Variants in MGAT5 observed in about 807,000 individuals in gnomAD.
MGAT5 encodes the protein alpha-1,6-mannosylglycoprotein 6-beta-N-acetylglucosaminyltransferase.
In MGAT5, 30 loss-of-function variants were observed where a neutral mutation model predicts 94.3. The ratio of observed to expected loss-of-function variants is 0.32; its 90% CI spans 0.24 to 0.43. MGAT5 has a LOEUF of 0.43. Among genes scored for constraint, MGAT5 ranks in the 20% least tolerant of loss-of-function variants. The probability of loss-of-function intolerance (pLI) is 1.00; values close to 1 mark genes in which losing one functional copy is unlikely to be tolerated. For synonymous variants in MGAT5, 310 were observed against 322.9 expected (o/e 0.96, Z 0.43); for missense variants, 691 against 905.5 (o/e 0.76, Z 3.04).
At chr2:134,403,980 T>C (rs1683203333) in intron 11 of MGAT5, among the ~76,000 whole-genome samples, 1 of 152,224 alleles carries the variant, frequency 6.6e-6, no homozygotes, top group Non-Finnish European at 1.5e-5. Flanking sequence ...AATGGTGCCA[T>C]GGAAGTACCA....
Position 134,152,858 on chromosome 2 carries a change from G to A in MGAT5, c.-143+32567G>A, listed in dbSNP as rs112632902. 6.0e-3 allele frequency among the ~76,000 whole-genome samples: 910 copies of A among 152,048 alleles called. 6 individuals are homozygous for A. Among genetic ancestry groups the A allele is most frequent in the African/African-American group, 0.02 (831 of 41,456 alleles). On this transcript the variant is annotated intron_variant, in intron 1 of 16. Coordinates refer to the MGAT5 transcript ENST00000409645. ...GGAAGTCCAAAGGAACTTGTCAAAA[G>A]GGGAGATCTCTAAGCATACCCTTTC... is the stretch of plus-strand genomic sequence containing the variant.
At chr2:134,340,962 T>C (rs1202610049) in intron 6 of MGAT5, among the ~76,000 whole-genome samples, 2 of 152,176 alleles carry the variant, frequency 1.3e-5, no homozygotes, top group Non-Finnish European at 2.9e-5. Context: ...TCAGATGATG[T>C]TAAGGAATTA....
At position 134,122,939 on chromosome 2, in the gene MGAT5, T is replaced by C. The variant is rs191810826; in HGVS notation, c.-143+2648T>C. On this transcript the variant is annotated intron_variant, in intron 1 of 16. Transcript: ENST00000409645. ...ATGGGCTTTTGGATCTCCTCAGCAG[T>C]GTGCATTTCAAGTGCTTTGTGTTTG... Among the ~76,000 whole-genome samples the C allele has an allele frequency of 1.1e-3, 170 of 152,356 alleles. 1 individual carries two copies. The highest frequency in any genetic ancestry group is 1.5e-3 in the Non-Finnish European group (103 of 68,030).
chr2:134,196,556 T>C (rs535875100), intron 1 of MGAT5, among the ~76,000 whole-genome samples: 1 of 152,372 alleles, frequency 6.6e-6, no homozygotes, highest in South Asian at 2.1e-4. Context: ...AGCAAATGGT[T>C]GCTGTTAAGT....
rs116256810 is a variant in MGAT5, at chr2:134,377,915, A to T, written c.1380+15507A>T. On this transcript the variant is annotated intron_variant, in intron 10 of 15. Transcript: ENST00000281923. Reference sequence around the variant, plus strand: ...AAGGAGGTACCTTGGGCTTAATTCCAGCAGTTCTCAACAGAGTCCACGTGG... The same window carrying T: ...AAGGAGGTACCTTGGGCTTAATTCCTGCAGTTCTCAACAGAGTCCACGTGG... Among the ~76,000 whole-genome samples the T allele has an allele frequency of 8.3e-3, 1,268 of 152,248 alleles. 17 individuals are homozygous for T. Among genetic ancestry groups the T allele is most frequent in the African/African-American group, 0.029 (1,200 of 41,546 alleles).
intron 10 of MGAT5, among the ~76,000 whole-genome samples, chr2:134,400,109 T>C (rs972402105): frequency 6.6e-6 from 1 of 152,168 alleles, no homozygotes; most frequent in Non-Finnish European, 1.5e-5. Flanking sequence ...GTGTGACTAA[T>C]TCGACATGTG....
intron 2 of MGAT5, among the ~76,000 whole-genome samples, chr2:134,274,605 C>T (rs554090985): frequency 6.6e-6 from 1 of 152,308 alleles, no homozygotes; most frequent in South Asian, 2.1e-4. Context: ...TTTATTTATA[C>T]TCTCAATAAA....
intron 1 of MGAT5, among the ~76,000 whole-genome samples, chr2:134,152,063 C>G (rs1687226516): frequency 6.8e-6 from 1 of 147,764 alleles, no homozygotes. Context: ...GGGACCCGCC[C>G]ACTGCCATGG....
intron 1 of MGAT5, among the ~76,000 whole-genome samples, chr2:134,182,373 G>A (rs1688774673): frequency 6.6e-6 from 1 of 152,138 alleles, no homozygotes; most frequent in Non-Finnish European, 1.5e-5. Context: ...TGTTATTTCT[G>A]TTGATCTGTG....
intron 1 of MGAT5, among the ~76,000 whole-genome samples, chr2:134,267,751 T>G (rs1683805744): frequency 6.6e-6 from 1 of 152,220 alleles, no homozygotes; most frequent in Non-Finnish European, 1.5e-5. Flanking sequence ...CAGCATTGGC[T>G]CATGTTCTGT....
intron 4 of MGAT5, among the ~76,000 whole-genome samples, chr2:134,329,053 G>A (rs899773591): frequency 3.3e-5 from 5 of 151,998 alleles, no homozygotes; most frequent in East Asian, 1.9e-4. Context: ...TGTGACAAAC[G>A]CTGTGTGGGA....
chr2:134,310,553 C>T (rs1194871179), intron 2 of MGAT5, among the ~76,000 whole-genome samples: 2 of 152,094 alleles, frequency 1.3e-5, no homozygotes, highest in African/African-American at 2.4e-5. Context: ...TTTCAAAGAT[C>T]CCAGTATACA....
chr2:134,132,448 C>T (rs1028357472), intron 1 of MGAT5, among the ~76,000 whole-genome samples: 4 of 152,152 alleles, frequency 2.6e-5, no homozygotes, highest in Non-Finnish European at 5.9e-5. Flanking sequence ...TTATCGTGGC[C>T]TCTGGTGTTT....
At position 134,333,809 on chromosome 2, in the gene MGAT5, T is replaced by A. The variant is rs183069911; in HGVS notation, c.574-2408T>A. 2.6e-5 allele frequency among the ~76,000 whole-genome samples: 4 copies of A among 152,316 alleles called. No homozygotes were observed. The East Asian group carries it at 7.7e-4, about 29-fold the overall frequency. ...AAATGTTGCTCATTTGAGAGCTGTT[T>A]GTTTCAGTACTTGGAGTTATTGCCA... On this transcript the variant is annotated intron_variant, in intron 4 of 15. Coordinates refer to ENST00000281923, the MANE Select transcript of MGAT5 (RefSeq NM_002410.5).
intron 1 of MGAT5, among the ~76,000 whole-genome samples, chr2:134,152,067 G>T (rs1288144260): frequency 7.5e-6 from 1 of 133,004 alleles, no homozygotes; most frequent in African/African-American, 2.9e-5. Context: ...CCCGCCCACT[G>T]CCATGGGACC....
At chr2:134,325,625 C>G (rs1230708662) in intron 4 of MGAT5, among the ~76,000 whole-genome samples, 2 of 152,106 alleles carry the variant, frequency 1.3e-5, no homozygotes, top group Admixed American at 6.6e-5. Flanking sequence ...CTATTTCACA[C>G]CTGAAAATTA....
In MGAT5 at chr2:134,214,761, G is replaced by A. The variant is rs887878131; in HGVS notation, c.-142-39501G>A. ...TTTATGTCGCAACCTAACAGCCAAC[G>A]AACATTTTAAGTCATTGAGGTAACT... On this transcript the variant is annotated intron_variant, in intron 1 of 16. Coordinates refer to the MGAT5 transcript ENST00000409645. 3.3e-5 allele frequency among the ~76,000 whole-genome samples: 5 copies of A among 152,146 alleles called. No homozygotes were observed. The South Asian group carries it at 6.2e-4, about 19-fold the overall frequency.
rs376303600 is a variant in MGAT5 at position 134,349,873 on chromosome 2, C to G, written c.1181C>G (p.Ser394Trp). ...PEFNHANYAQ[S>W]KGHKTPWGKW... ...TTTAATCATGCAAATTATGCCCAAT[C>G]GAAAGGCCACAAGACCCCTTGGGGA... Residue 394 changes from serine to tryptophan, a missense_variant, in exon 9 of 16, where the codon TCG becomes TGG. Transcript: ENST00000281923. 1.9e-6 allele frequency: 3 copies of G among 1,613,496 alleles called. No individual in the cohort carries two copies. Among genetic ancestry groups the G allele is most frequent in the Admixed American group, 1.7e-5 (1 of 59,952 alleles).
At chr2:134,339,195 C>A (rs1334196871) in intron 6 of MGAT5, among the ~76,000 whole-genome samples, 2 of 152,154 alleles carry the variant, frequency 1.3e-5, no homozygotes, top group African/African-American at 2.4e-5. Context: ...ATTTGTGAGA[C>A]AACAGGACCA....
Sources: gnomAD v4.1 joint callset for allele counts (sites outside exome capture counted in the v4.1 genomes callset) on GRCh38, gnomAD v4.1.1 for gene constraint, MANE v1.5 for transcripts, NCBI Gene and HGNC (gene_info 2026-07-23, HGNC 2026-07-21) for gene names.